The following FAAP100 variants were observed in gnomAD, a reference collection of about 807,000 sequenced individuals.
The protein encoded by FAAP100 is Fanconi anemia core complex-associated protein 100.
Under a neutral mutation model 65.8 loss-of-function variants are expected in FAAP100, and 46 were observed. The observed-to-expected ratio is 0.70, with a 90% CI of 0.55 to 0.89. The LOEUF (loss-of-function observed/expected upper bound fraction) is 0.89, where lower values mean the gene tolerates loss of function less well. Among genes scored for constraint, FAAP100 ranks in the 40% least tolerant of loss-of-function variants. The probability of loss-of-function intolerance (pLI) is 0.00; values close to 1 mark genes in which losing one functional copy is unlikely to be tolerated. For synonymous variants in FAAP100, 663 were observed against 555.1 expected (o/e 1.19, Z -2.73); for missense variants, 1,165 against 1,196.7 (o/e 0.97, Z 0.39).
At position 81,549,976 on chromosome 17, in the gene FAAP100, T is replaced by G. The variant is rs75928599; in HGVS notation, c.1246+272A>C. On this transcript the variant is annotated intron_variant, in intron 3 of 8. Coordinates refer to ENST00000327787, the MANE Select transcript of FAAP100 (RefSeq NM_025161.6). ...TTGCGGTGGACCCCCAAGATGCAGTTTCCTCCAAGTCCACAGCCAGCAAGC... is the reference window on the plus strand; with the variant it reads ...TTGCGGTGGACCCCCAAGATGCAGTGTCCTCCAAGTCCACAGCCAGCAAGC... Among the ~76,000 whole-genome samples, 8 of 152,060 alleles carry G rather than the reference T, an allele frequency of 5.3e-5. No homozygotes were observed. The East Asian group carries it at 1.5e-3, about 29-fold the overall frequency.
chr17:81,551,919 C>G lies in FAAP100; in HGVS notation c.290+9G>C. The G allele has an allele frequency of 6.5e-7, 1 of 1,540,548 alleles. No individual in the cohort carries two copies. Among genetic ancestry groups the G allele is most frequent in the Non-Finnish European group, 8.7e-7 (1 of 1,153,408 alleles). On this transcript the variant is annotated intron_variant, in intron 2 of 8. Transcript: ENST00000327787. ...GTGTGCGGGAGGGAGGCCGCGGGCC[C>G]GCCCTCACCTGCTCCTGCCCGGGTG... is the stretch of plus-strand genomic sequence containing the variant.
At chr17:81,542,166 C>CA (rs1157407171) in intron 7 of FAAP100, among the ~76,000 whole-genome samples, 23 of 63,726 alleles carry the variant, frequency 3.6e-4, no homozygotes, top group Non-Finnish European at 4.7e-4. Flanking sequence ...GACTCCGTCT[C>CA]AAAAAAAAAA....
Position 81,540,000 on chromosome 17 carries a change from G to A in FAAP100, c.*819C>T. On this transcript the variant is annotated 3_prime_UTR_variant, in exon 9 of 9. Coordinates refer to ENST00000327787, the MANE Select transcript of FAAP100 (RefSeq NM_025161.6). The stretch of plus-strand genomic sequence containing the variant: ...GGGAGCGGCGCGAGCACCCTCCCCA[G>A]ATGAAAACACCAGCACCAGGAGGTG... 5.0e-6 allele frequency: 2 copies of A among 398,948 alleles called. No individual in the cohort carries two copies. The highest frequency in any genetic ancestry group is 2.1e-5 in the African/African-American group (1 of 48,762). 24.7% of individuals were successfully genotyped at this position (398,948 alleles called of 1,614,324 possible). A position where few individuals can be genotyped will look rare whatever the true frequency, so the allele number is the denominator to read the frequency against.
Position 81,551,012 on chromosome 17 carries a change from C to G in FAAP100, c.482G>C (p.Gly161Ala). The change falls in exon 3 of 9, where the codon GGG becomes GCG. Residue 161 changes from glycine to alanine, a missense_variant. By Grantham distance (60) the Gly-to-Ala change is moderately conservative. Coordinates refer to ENST00000327787, the MANE Select transcript of FAAP100 (RefSeq NM_025161.6). ...CTGGCCTCCTGGCCGGGGGTCCTCC[C>G]CAGGACAGGGCTGCTCAAACAGCTG... is the stretch of plus-strand genomic sequence containing the variant. ...KMQLFEQPCP[G>A]EDPRPGGQIG... The G allele has an allele frequency of 6.2e-7, 1 of 1,611,530 alleles. No individual in the cohort carries two copies. The highest frequency in any genetic ancestry group is 8.5e-7 in the Non-Finnish European group (1 of 1,179,444).
At position 81,551,700 on chromosome 17, in the gene FAAP100, G is replaced by A. The variant is rs2033501130; in HGVS notation, c.290+228C>T. ...CCCAAAGGACAGGATCCCGCGCCCC[G>A]CCGTGGGCTTAACCATGTGAACCCC... On this transcript the variant is annotated intron_variant, in intron 2 of 8. Coordinates refer to ENST00000327787, the MANE Select transcript of FAAP100 (RefSeq NM_025161.6). 1.4e-5 allele frequency: 19 copies of A among 1,328,116 alleles called. 1 individual carries two copies. The Middle Eastern group carries it at 8.3e-4, about 58-fold the overall frequency. 82.3% of individuals were successfully genotyped at this position (1,328,116 alleles called of 1,614,324 possible). A position where few individuals can be genotyped will look rare whatever the true frequency, so the allele number is the denominator to read the frequency against.
At chr17:81,542,909 G>A (rs530197528) in intron 7 of FAAP100, among the ~76,000 whole-genome samples, 3 of 152,216 alleles carry the variant, frequency 2.0e-5, no homozygotes, top group Non-Finnish European at 4.4e-5. Context: ...CCTCTGACAG[G>A]CAACACCTCA....
intron 6 of FAAP100, 152 bp from the exon 7 acceptor site, chr17:81,544,272 C>T (rs1295394773): frequency 8.0e-6 from 5 of 621,210 alleles, no homozygotes; most frequent in Non-Finnish European, 5.6e-6. Flanking sequence ...CCTGAAGGAG[C>T]AGAGCTCAGT....
At position 81,550,952 on chromosome 17, in the gene FAAP100, G is replaced by C; in HGVS notation, c.542C>G (p.Pro181Arg). 1.2e-6 allele frequency: 2 copies of C among 1,612,104 alleles called. No homozygotes were observed. Among genetic ancestry groups the C allele is most frequent in the Non-Finnish European group, 1.7e-6 (2 of 1,179,682 alleles). ...GEVELSSYTPPAGVPGKPAAP... is the reference protein window; with the variant it reads ...GEVELSSYTPRAGVPGKPAAP... ...TGCAGGCTTTCCTGGGACCCCGGCTGGGGGCGTGTAGGAGGACAGCTCCAC... is the reference window on the plus strand; with the variant it reads ...TGCAGGCTTTCCTGGGACCCCGGCTCGGGGCGTGTAGGAGGACAGCTCCAC... Residue 181 changes from proline (P) to arginine (R), a missense_variant, in exon 3 of 9, where the codon CCA becomes CGA. Pro to Arg is a moderately radical substitution (Grantham distance 103). Coordinates refer to ENST00000327787, the MANE Select transcript of FAAP100 (RefSeq NM_025161.6).
intron 5 of FAAP100, 135 bp from the exon 6 acceptor site, chr17:81,546,017 G>A (rs1210578038): frequency 7.4e-6 from 9 of 1,223,296 alleles, no homozygotes; most frequent in Non-Finnish European, 9.9e-6. Context: ...GCTGTCCCCA[G>A]CCCCACCCTA....
intron 7 of FAAP100, 126 bp downstream of exon 7, chr17:81,543,878 T>C: frequency 1.1e-6 from 1 of 872,290 alleles, no homozygotes; most frequent in Non-Finnish European, 1.8e-6. Context: ...AGAGCAGACT[T>C]GGATCTTCCT....
At chr17:81,552,082 G>T (rs773840633) in intron 1 of FAAP100, 30 bp from the exon 2 acceptor site, 1 of 1,457,740 alleles carries the variant, frequency 6.9e-7, no homozygotes, top group South Asian at 1.4e-5. Flanking sequence ...TCAGGCCGAC[G>T]CGACGCGCGG....
intron 4 of FAAP100, 129 bp downstream of exon 4, chr17:81,549,077 G>A (rs1437386229): frequency 1.4e-5 from 10 of 697,650 alleles, no homozygotes; most frequent in African/African-American, 2.1e-5. Context: ...AAAAAAAGAG[G>A]CCAAGTAATG....
In FAAP100 at chr17:81,547,250, CCCA is replaced by C; in HGVS notation, c.1829_1831del (p.Val610del). The C allele has an allele frequency of 1.3e-6, 2 of 1,594,022 alleles. No homozygotes were observed. Among genetic ancestry groups the C allele is most frequent in the Non-Finnish European group, 8.6e-7 (1 of 1,167,218 alleles). ...AGAGTCTGAGGGGGCAAGGGCCCCG[CCCA>C]CCACCTCCCTGAGACTGTAGAACAG... On this transcript the variant is annotated inframe_deletion, in exon 5 of 9. Coordinates refer to ENST00000327787, the MANE Select transcript of FAAP100 (RefSeq NM_025161.6).
chr17:81,549,841 G>A (rs1468764622), intron 3 of FAAP100, among the ~76,000 whole-genome samples: 7 of 152,208 alleles, frequency 4.6e-5, no homozygotes, highest in African/African-American at 1.4e-4. Context: ...GCAGACTCAC[G>A]GGCAAGCCAC....
rs141610384 is a variant in FAAP100, at chr17:81,541,475, C to G, written c.2428-80G>C. On this transcript the variant is annotated intron_variant, in intron 7 of 8. Coordinates refer to ENST00000327787, the MANE Select transcript of FAAP100 (RefSeq NM_025161.6). ...ACCCCTTGGAGCAGGGTGACCCTCT[C>G]CCTCGAGCTGCCTGGTGCTGCCTCC... 1.9e-4 allele frequency: 248 copies of G among 1,275,904 alleles called. No individual in the cohort carries two copies. The African/African-American group carries it at 3.2e-3, about 16-fold the overall frequency. The allele number at this position is 1,275,904 out of a possible 1,614,324, so 79.0% of individuals were successfully genotyped here.
chr17:81,543,834 C>T (rs1241723965), intron 7 of FAAP100, among the ~76,000 whole-genome samples, 170 bp downstream of exon 7: 2 of 152,156 alleles, frequency 1.3e-5, no homozygotes, highest in Admixed American at 6.5e-5. Context: ...TCTCATCGCC[C>T]ACAGCTCCAC....
chr17:81,543,239 G>A (rs77387916), intron 7 of FAAP100, among the ~76,000 whole-genome samples: 2,832 of 152,272 alleles, frequency 0.019, 91 homozygotes, highest in East Asian at 0.11. Flanking sequence ...GCGTCAGGCT[G>A]CAGGCCCTGG....
At position 81,547,566 on chromosome 17, in the gene FAAP100, T is replaced by A; in HGVS notation, c.1516A>T (p.Ile506Phe). 6.2e-7 allele frequency: 1 copy of A among 1,613,500 alleles called. No homozygotes were observed. Among genetic ancestry groups the A allele is most frequent in the South Asian group, 1.1e-5 (1 of 91,086 alleles). Residue 506 changes from isoleucine (I) to phenylalanine (F), a missense_variant, in exon 5 of 9, where the codon ATC becomes TTC. Physicochemically the swap from Ile to Phe is conservative, Grantham distance 21 (BLOSUM62 0). Coordinates refer to ENST00000327787, the MANE Select transcript of FAAP100 (RefSeq NM_025161.6). The part of the protein sequence containing the change: ...LLSSGTGPRP[I>F]SCTTSTTWSR... ...CAGGTGGTGCTGGTGGTGCAGGAGA[T>A]GGGTCTGGGGCCCGTGCCGCTTGAC...
Position 81,550,447 on chromosome 17 carries a change from G to A in FAAP100, c.1047C>T (p.Cys349=), listed in dbSNP as rs779001780. The change falls in exon 3 of 9, where the codon TGC becomes TGT. Residue 349 remains cysteine (C), a synonymous_variant. Transcript: ENST00000327787. ...CGCGGCCACCCCCGCCACAGGCAGCGCAGAGCACAGGGCCTGGGAGGCAGT... is the reference window on the plus strand; with the variant it reads ...CGCGGCCACCCCCGCCACAGGCAGCACAGAGCACAGGGCCTGGGAGGCAGT... The part of the protein sequence containing the change: ...REYCLPGPVL[C]AACGGGGRVY... 29 of 1,612,550 alleles carry A rather than the reference G, an allele frequency of 1.8e-5. No individual in the cohort carries two copies. Among genetic ancestry groups the A allele is most frequent in the South Asian group, 1.1e-4 (10 of 91,064 alleles).
Sources: gnomAD v4.1 joint callset for allele counts (sites outside exome capture counted in the v4.1 genomes callset) on GRCh38, gnomAD v4.1.1 for gene constraint, MANE v1.5 for transcripts, NCBI Gene and HGNC (gene_info 2026-07-23, HGNC 2026-07-21) for gene names.